Variants in EBF1 observed in about 807,000 individuals in gnomAD.
The protein encoded by EBF1 is transcription factor COE1.
Under a neutral mutation model 68.4 loss-of-function variants are expected in EBF1, and 10 were observed. That is an observed-to-expected ratio of 0.15 (90% CI 0.09 to 0.25). The LOEUF (loss-of-function observed/expected upper bound fraction) is 0.25. EBF1 is among the 10% of genes least tolerant of loss of function. The pLI is 1.00. For missense variants in EBF1, 509 were observed against 794.4 expected (o/e 0.64, Z 4.32); for synonymous variants, 298 against 299.8 (o/e 0.99, Z 0.06).
chr5:158,951,426 A>C (rs777859071), intron 6 of EBF1, among the ~76,000 whole-genome samples: 2 of 152,176 alleles, frequency 1.3e-5, no homozygotes, highest in Admixed American at 1.3e-4. Context: ...CACGTTCACA[A>C]TGGTGATTTC....
chr5:158,977,251 T>C (rs928097709), intron 6 of EBF1, among the ~76,000 whole-genome samples: 7 of 152,156 alleles, frequency 4.6e-5, no homozygotes, highest in African/African-American at 1.7e-4. Flanking sequence ...AAACTATTCA[T>C]TTGAACCTTA....
At chr5:158,752,192 G>A (rs996738657) in intron 10 of EBF1, among the ~76,000 whole-genome samples, 1 of 151,924 alleles carries the variant, frequency 6.6e-6, no homozygotes, top group Non-Finnish European at 1.5e-5. Context: ...CCACAAAGGA[G>A]CCATTGTTAA....
At chr5:158,898,957 G>C (rs549092410) in intron 6 of EBF1, among the ~76,000 whole-genome samples, 29 of 152,296 alleles carry the variant, frequency 1.9e-4, no homozygotes, top group African/African-American at 5.5e-4. Context: ...CGATAACAAG[G>C]TTTCAGCCCA....
intron 10 of EBF1, among the ~76,000 whole-genome samples, chr5:158,741,380 G>A (rs987906442): frequency 6.6e-6 from 1 of 152,026 alleles, no homozygotes; most frequent in Non-Finnish European, 1.5e-5. Context: ...TTTGAAACCA[G>A]CCTGGTCAAT....
intron 10 of EBF1, among the ~76,000 whole-genome samples, chr5:158,734,764 A>G (rs969487593): frequency 6.6e-6 from 1 of 152,268 alleles, no homozygotes; most frequent in East Asian, 1.9e-4. Context: ...AATTAACTAC[A>G]AATAAAGAAG....
intron 10 of EBF1, among the ~76,000 whole-genome samples, chr5:158,739,946 ATTGAT>A (rs1319601348): frequency 6.6e-6 from 1 of 152,316 alleles, no homozygotes; most frequent in East Asian, 1.9e-4. Flanking sequence ...GATAAACCGC[ATTGAT>A]TTAACACATC....
chr5:158,771,814 A>G (rs1376353155), intron 10 of EBF1, among the ~76,000 whole-genome samples: 1 of 152,164 alleles, frequency 6.6e-6, no homozygotes, highest in African/African-American at 2.4e-5. Flanking sequence ...AAGAGACTGG[A>G]GTCCAGAGCA....
intron 6 of EBF1, among the ~76,000 whole-genome samples, chr5:159,058,460 C>T (rs1295036598): frequency 1.3e-5 from 2 of 152,198 alleles, no homozygotes; most frequent in African/African-American, 4.8e-5. Flanking sequence ...CCCAGCCCTA[C>T]CTTGCAACCA....
intron 11 of EBF1, among the ~76,000 whole-genome samples, chr5:158,729,723 A>T (rs1168402914): frequency 6.6e-6 from 1 of 152,246 alleles, no homozygotes; most frequent in African/African-American, 2.4e-5. Flanking sequence ...ACAGCACTTC[A>T]GTGGAAGTGA....
rs10078137 is a variant in EBF1, at chr5:158,919,567, C to T, written c.555-79457G>A. ...ATCAATGTCTAGCAAAGACATATTC[C>T]AACAACGGTGCTCATTTTTTTGAAT... On this transcript the variant is annotated intron_variant, in intron 6 of 15. Coordinates refer to ENST00000313708, the MANE Select transcript of EBF1 (RefSeq NM_024007.5). Among the ~76,000 whole-genome samples the T allele has an allele frequency of 6.1e-3, 935 of 152,162 alleles. 16 individuals carry two copies. Among genetic ancestry groups the T allele is most frequent in the African/African-American group, 0.021 (891 of 41,530 alleles).
chr5:158,823,041 C>A (rs1163676066), intron 8 of EBF1, 135 bp downstream of exon 8: 3 of 1,215,652 alleles, frequency 2.5e-6, no homozygotes, highest in South Asian at 2.8e-5. Context: ...GAGAAAAAAC[C>A]CTAGAGGACC....
At chr5:158,842,718 C>T (rs189127501) in intron 6 of EBF1, among the ~76,000 whole-genome samples, 3 of 152,288 alleles carry the variant, frequency 2.0e-5, no homozygotes, top group African/African-American at 4.8e-5. Flanking sequence ...GAATGGCTTC[C>T]GTGTATTGGG....
chr5:158,863,043 C>T (rs965380265), intron 6 of EBF1, among the ~76,000 whole-genome samples: 33 of 152,164 alleles, frequency 2.2e-4, no homozygotes, highest in African/African-American at 7.7e-4. Context: ...TAAAGTCCAC[C>T]ATTTACAATT....
intron 6 of EBF1, among the ~76,000 whole-genome samples, chr5:158,932,963 T>C (rs555263492): frequency 6.5e-4 from 99 of 152,346 alleles, no homozygotes; most frequent in African/African-American, 2.3e-3. Flanking sequence ...ATTTATTTAC[T>C]CACTTTACAG....
chr5:158,882,268 A>T (rs1300424633), intron 6 of EBF1, among the ~76,000 whole-genome samples: 2 of 152,236 alleles, frequency 1.3e-5, no homozygotes, highest in African/African-American at 4.8e-5. Context: ...CTATTTACAC[A>T]AGAGCAAGAA....
chr5:158,872,827 C>A (rs747571419), intron 6 of EBF1, among the ~76,000 whole-genome samples: 1 of 152,032 alleles, frequency 6.6e-6, no homozygotes, highest in East Asian at 1.9e-4. Context: ...TAATTCAGTT[C>A]AATACAATGG....
At chr5:158,761,159 C>A (rs568245241) in intron 10 of EBF1, among the ~76,000 whole-genome samples, 6 of 152,292 alleles carry the variant, frequency 3.9e-5, no homozygotes, top group African/African-American at 1.4e-4. Flanking sequence ...TTTTTCTCCC[C>A]TCAGTTAAAG....
At chr5:158,770,392 G>A (rs1222583603) in intron 10 of EBF1, among the ~76,000 whole-genome samples, 1 of 152,012 alleles carries the variant, frequency 6.6e-6, no homozygotes, top group Non-Finnish European at 1.5e-5. Context: ...ATACATTCTG[G>A]TCTCCTATGC....
intron 6 of EBF1, among the ~76,000 whole-genome samples, chr5:158,874,934 T>C (rs1797533690): frequency 6.6e-6 from 1 of 152,054 alleles, no homozygotes; most frequent in African/African-American, 2.4e-5. Flanking sequence ...CTATAAATAA[T>C]TCAAGGCCTG....
Sources: allele counts gnomAD v4.1 joint callset (sites outside exome capture counted in the v4.1 genomes callset), GRCh38; gene constraint gnomAD v4.1.1; transcripts MANE v1.5; gene names NCBI Gene and HGNC (gene_info 2026-07-23, HGNC 2026-07-21).